RGS21: variants seen among roughly 807,000 people sequenced by gnomAD.
RGS21 encodes the protein regulator of G-protein signalling 21.
In RGS21, 19 loss-of-function variants were observed where a neutral mutation model predicts 18.7. The ratio of observed to expected loss-of-function variants is 1.01; its 90% CI spans 0.71 to 1.49. The LOEUF is 1.49. Ranked by LOEUF, RGS21 falls within the 40% of genes most tolerant of loss-of-function variation. RGS21 has a pLI of 0.00. For synonymous variants in RGS21, 56 were observed against 57.8 expected, an observed-to-expected ratio of 0.97 and a Z score of 0.14; for missense variants, 194 against 176.8, an observed-to-expected ratio of 1.10 and a Z score of -0.55.
chr1:192,317,882 T>C (rs1406419553), intron 1 of RGS21, among the ~76,000 whole-genome samples: 4 of 152,010 alleles, frequency 2.6e-5, no homozygotes, highest in African/African-American at 7.2e-5. Context: ...ATAATTTTAG[T>C]TTGTAATTTC....
intron 2 of RGS21, among the ~76,000 whole-genome samples, chr1:192,345,351 T>C (rs1571457531): frequency 6.6e-6 from 1 of 152,090 alleles, no homozygotes; most frequent in Admixed American, 6.6e-5. Context: ...CTCTATGCCT[T>C]TGAAGCTAAT....
chr1:192,364,192 A>G (rs1293755960), intron 4 of RGS21, among the ~76,000 whole-genome samples: 1 of 152,106 alleles, frequency 6.6e-6, no homozygotes, highest in Non-Finnish European at 1.5e-5. Flanking sequence ...CTTCTGGTAT[A>G]ATAAATGGAC....
At chr1:192,339,658 C>T (rs1459396483) in intron 1 of RGS21, among the ~76,000 whole-genome samples, 2 of 152,034 alleles carry the variant, frequency 1.3e-5, no homozygotes, top group Non-Finnish European at 2.9e-5. Context: ...CTGTTCCATC[C>T]ATCTGTAGCC....
At chr1:192,346,191 G>T (rs1210399725) in intron 2 of RGS21, among the ~76,000 whole-genome samples, 1 of 151,956 alleles carries the variant, frequency 6.6e-6, no homozygotes, top group African/African-American at 2.4e-5. Context: ...CCTTAATGAG[G>T]ATGACCATTA....
intron 1 of RGS21, among the ~76,000 whole-genome samples, chr1:192,320,565 T>TATGTGC: frequency 6.6e-6 from 1 of 152,106 alleles, no homozygotes; most frequent in Non-Finnish European, 1.5e-5. Context: ...TGTGTATGTG[T>TATGTGC]ATGTGTGAGG....
chr1:192,319,540 C>A (rs1658466648), intron 1 of RGS21, among the ~76,000 whole-genome samples: 1 of 151,934 alleles, frequency 6.6e-6, no homozygotes, highest in African/African-American at 2.4e-5. Flanking sequence ...AGCAACCTTA[C>A]CTCCATATTT....
Position 192,352,136 on chromosome 1 carries a change from A to G in RGS21, c.178A>G (p.Thr60Ala), listed in dbSNP as rs199588704. The G allele has an allele frequency of 6.0e-4, 966 of 1,611,576 alleles. No individual in the cohort carries two copies. Among genetic ancestry groups the G allele is most frequent in the Non-Finnish European group, 7.6e-4 (900 of 1,178,816 alleles). The change falls in exon 4 of 5, where the codon ACG (threonine) becomes GCG (alanine). Residue 60 changes from threonine (T) to alanine (A), a missense_variant. Transcript: ENST00000417209. ...GCTTGCCTGTGAAGACTTTAAGAAA[A>G]CGAAAAATGCAGACAAAATTGCTTC... Reference protein sequence around the residue: ...FWLACEDFKKTKNADKIASKA... With the variant: ...FWLACEDFKKAKNADKIASKA...
In RGS21 at chr1:192,317,001, T is replaced by A. The variant is rs979801363; in HGVS notation, c.-165T>A. On this transcript the variant is annotated 5_prime_UTR_variant, in exon 1 of 5. Transcript: ENST00000417209. ...ATGTTAATATAGAAAAGTTACCACT[T>A]GGAAAACAATTCATCTGAAAGAAGC... 13 of 152,054 alleles carry A rather than the reference T, an allele frequency of 8.5e-5. No homozygotes were observed. In the East Asian group the frequency reaches 1.2e-3, roughly 14 times the overall value. 9.4% of individuals were successfully genotyped at this position (152,054 alleles called of 1,614,324 possible).
chr1:192,335,917 A>G (rs1658759678), intron 1 of RGS21, among the ~76,000 whole-genome samples: 1 of 152,212 alleles, frequency 6.6e-6, no homozygotes, highest in Non-Finnish European at 1.5e-5. Context: ...TTTATATACT[A>G]CCAGGCTAGC....
intron 1 of RGS21, among the ~76,000 whole-genome samples, chr1:192,339,224 T>A (rs989879087): frequency 2.0e-5 from 3 of 151,066 alleles, no homozygotes; most frequent in African/African-American, 4.9e-5. Flanking sequence ...GCATTTTTTT[T>A]TAAAAAAAAA....
chr1:192,351,531 G>C (rs1659039590), intron 3 of RGS21, among the ~76,000 whole-genome samples: 1 of 151,438 alleles, frequency 6.6e-6, no homozygotes, highest in African/African-American at 2.4e-5. Flanking sequence ...AAAATCCGTG[G>C]GGCTTCCTGT....
intron 3 of RGS21, among the ~76,000 whole-genome samples, chr1:192,350,062 T>A (rs778571862): frequency 2.5e-4 from 38 of 152,312 alleles, no homozygotes; most frequent in Middle Eastern, 3.4e-3. Context: ...AATTGAGTGT[T>A]ACTAAGGGGA....
chr1:192,350,116 G>T (rs1310072834), intron 3 of RGS21, among the ~76,000 whole-genome samples: 2 of 152,076 alleles, frequency 1.3e-5, no homozygotes, highest in African/African-American at 4.8e-5. Context: ...CTTGAGCAAG[G>T]AACGTGAAGT....
At chr1:192,317,495 C>G (rs1363471977) in intron 1 of RGS21, among the ~76,000 whole-genome samples, 1 of 137,876 alleles carries the variant, frequency 7.3e-6, no homozygotes, top group Admixed American at 7.0e-5. Context: ...TTTGGAAAAG[C>G]AACTAGAACA....
In RGS21 at chr1:192,325,958, G is replaced by C. The variant is rs191924782; in HGVS notation, c.-61+8853G>C. On this transcript the variant is annotated intron_variant, in intron 1 of 4. Transcript: ENST00000417209. Reference sequence around the variant, plus strand: ...GATCCTGCAGAAAGAATATGGATCTGTATATGTTAACTTGAAAAACAGAAG... The same window carrying C: ...GATCCTGCAGAAAGAATATGGATCTCTATATGTTAACTTGAAAAACAGAAG... Among the ~76,000 whole-genome samples the C allele has an allele frequency of 1.6e-3, 240 of 152,112 alleles. 4 individuals carry two copies. Among genetic ancestry groups the C allele is most frequent in the African/African-American group, 5.2e-3 (218 of 41,528 alleles).
chr1:192,343,028 G>A lies in RGS21; in HGVS notation c.-9G>A. 1.2e-6 allele frequency: 2 copies of A among 1,612,676 alleles called. No homozygotes were observed. Among genetic ancestry groups the A allele is most frequent in the Non-Finnish European group, 1.7e-6 (2 of 1,178,900 alleles). On this transcript the variant is annotated 5_prime_UTR_variant, in exon 2 of 5. Coordinates refer to ENST00000417209, the MANE Select transcript of RGS21 (RefSeq NM_001039152.3). The stretch of plus-strand genomic sequence containing the variant: ...TCGGCATCATCTGTGACAGACAGTG[G>A]AACGAAAAATGCCAGTGAAGTGAGT...
At chr1:192,360,757 G>A (rs1459764204) in intron 4 of RGS21, among the ~76,000 whole-genome samples, 21 of 151,878 alleles carry the variant, frequency 1.4e-4, no homozygotes, top group Non-Finnish European at 3.1e-4. Flanking sequence ...AAACCCACAG[G>A]GCTTCCTCCA....
intron 4 of RGS21, among the ~76,000 whole-genome samples, chr1:192,362,466 C>G (rs1027748967): frequency 6.6e-6 from 1 of 152,182 alleles, no homozygotes; most frequent in Non-Finnish European, 1.5e-5. Context: ...AAACACACAA[C>G]ATAAGTGATC....
At chr1:192,321,414 A>G (rs953216696) in intron 1 of RGS21, among the ~76,000 whole-genome samples, 3 of 151,934 alleles carry the variant, frequency 2.0e-5, no homozygotes, top group African/African-American at 7.2e-5. Context: ...TTAGGGCTGA[A>G]TTTTCATTGG....
Sources: allele counts gnomAD v4.1 joint callset (sites outside exome capture counted in the v4.1 genomes callset), GRCh38; gene constraint gnomAD v4.1.1; transcripts MANE v1.5; gene names NCBI Gene and HGNC (gene_info 2026-07-23, HGNC 2026-07-21).